ECE1: variants seen among roughly 807,000 people sequenced by gnomAD.
ECE1 encodes the protein endothelin converting enzyme 1.
ECE1 carries 35 observed loss-of-function variants against 98.6 expected under a neutral mutation model. The ratio of observed to expected loss-of-function variants is 0.35; its 90% CI spans 0.27 to 0.47. The LOEUF is 0.47. Among genes scored for constraint, ECE1 ranks in the 20% least tolerant of loss-of-function variants. The pLI is 1.00. For synonymous variants in ECE1, 394 were observed against 407.1 expected (o/e 0.97, Z 0.39); for missense variants, 814 against 1,025.3 (o/e 0.79, Z 2.81).
intron 12 of ECE1, 89 bp downstream of exon 12, chr1:21,236,657 A>G (rs938726437): frequency 1.5e-6 from 2 of 1,315,634 alleles, no homozygotes; most frequent in Non-Finnish European, 2.2e-6. Context: ...CTCAAAAAAC[A>G]AACAAAAAAA....
At chr1:21,226,843 A>G (rs1020541390) in intron 16 of ECE1, among the ~76,000 whole-genome samples, 2 of 152,164 alleles carry the variant, frequency 1.3e-5, no homozygotes, top group African/African-American at 4.8e-5. Flanking sequence ...TTCCTGCCTC[A>G]GCCTCCTGAG....
chr1:21,237,597 G>T lies in ECE1; in HGVS notation c.1389+537C>A, dbSNP rs200751620. On this transcript the variant is annotated intron_variant, in intron 11 of 18. Transcript: ENST00000374893. ...AGCTGAACCCTTATTGTATGCCGGT[G>T]CCCAGTGTGTGGCATCTCATTTAAT... 7.2e-5 allele frequency among the ~76,000 whole-genome samples: 11 copies of T among 152,246 alleles called. No homozygotes were observed. The East Asian group carries it at 1.7e-3, about 24-fold the overall frequency.
chr1:21,317,321 A>G (rs1283858938), intron 1 of ECE1, among the ~76,000 whole-genome samples: 1 of 152,146 alleles, frequency 6.6e-6, no homozygotes, highest in Non-Finnish European at 1.5e-5. Flanking sequence ...AGAATTAAAC[A>G]AGGTCGTGTC....
rs552929004 is a variant in ECE1, at chr1:21,221,719, G to A, written c.2136+28C>T. The A allele has an allele frequency of 1.6e-5, 25 of 1,605,046 alleles. 1 individual carries two copies. In the South Asian group the frequency reaches 2.3e-4, roughly 15 times the overall value. ...ACATCAAGATGGCAGAATGTACCAT[G>A]TGTGGCATGTTTTCCTAATGGACTC... On this transcript the variant is annotated intron_variant, in intron 18 of 18. Transcript: ENST00000374893.
chr1:21,233,123 G>A lies in ECE1; in HGVS notation c.1670+435C>T, dbSNP rs543974648. The A allele has an allele frequency of 5.9e-5, 11 of 185,148 alleles. No homozygotes were observed. The East Asian group carries it at 1.5e-3, about 24-fold the overall frequency. 11.5% of individuals were successfully genotyped at this position (185,148 alleles called of 1,614,324 possible). ...AGATCCCACCATTCGTGGTAGTGAG[G>A]AACAATGGGAAAGCTGCTCTTGCTG... On this transcript the variant is annotated intron_variant, in intron 14 of 18. Transcript: ENST00000374893. This position sits in a 1 kb window ranked among gnomAD's most constrained non-coding sequence, Gnocchi z 4.0.
intron 1 of ECE1, among the ~76,000 whole-genome samples, chr1:21,330,312 T>C (rs1218591187): frequency 7.2e-6 from 1 of 139,344 alleles, no homozygotes; most frequent in African/African-American, 2.7e-5. Context: ...CTCCACTCAC[T>C]GCAACCTCTG....
At chr1:21,313,684 A>G (rs1223833931) in intron 1 of ECE1, among the ~76,000 whole-genome samples, 2 of 152,142 alleles carry the variant, frequency 1.3e-5, no homozygotes, top group Admixed American at 1.3e-4. Context: ...ACTCTCTGTA[A>G]TTTACTGCTG....
rs1467400804 is a variant in ECE1, at chr1:21,235,958, C to T, written c.1489-31G>A. ...CAGGACAGACAGAGGAAGTGAGTGC[C>T]CGGCAACATCGACCAGGCCAGCCTG... On this transcript the variant is annotated intron_variant, in intron 12 of 18. Transcript: ENST00000374893. The surrounding 1 kb of genome is among the most constrained non-coding windows in gnomAD (Gnocchi z 4.2). 6.2e-7 allele frequency: 1 copy of T among 1,606,632 alleles called. No homozygotes were observed. The highest frequency in any genetic ancestry group is 1.1e-5 in the South Asian group (1 of 90,940).
rs999281058 is a variant in ECE1, at chr1:21,319,068, G to C, written c.3+26308C>G. Among the ~76,000 whole-genome samples the C allele has an allele frequency of 4.6e-5, 7 of 152,208 alleles. No individual in the cohort carries two copies. The highest frequency in any genetic ancestry group is 3.3e-4 in the Admixed American group (5 of 15,282). ...AAGTCAAAATAATAAAGTGAGGCCA[G>C]GCACGGTGGCTCAAGCTCGTAATCC... On this transcript the variant is annotated intron_variant, in intron 1 of 18. Transcript: ENST00000415912. The surrounding 1 kb of genome is among the most constrained non-coding windows in gnomAD (Gnocchi z 4.4).
rs745767972 is a variant in ECE1, at chr1:21,233,709, G to A, written c.1567-48C>T. On this transcript the variant is annotated intron_variant, in intron 13 of 18. Transcript: ENST00000374893. This position sits in a 1 kb window ranked among gnomAD's most constrained non-coding sequence, Gnocchi z 4.0. Reference sequence around the variant, plus strand: ...AATCACAGTGTGCCCTCGGTGGTGTGCATCTTCCAAGACAGGAAGCCAAGG... The same window carrying A: ...AATCACAGTGTGCCCTCGGTGGTGTACATCTTCCAAGACAGGAAGCCAAGG... 1.9e-6 allele frequency: 3 copies of A among 1,565,186 alleles called. No homozygotes were observed. The highest frequency in any genetic ancestry group is 2.6e-6 in the Non-Finnish European group (3 of 1,138,054).
intron 1 of ECE1, among the ~76,000 whole-genome samples, chr1:21,332,062 C>G (rs1383818591): frequency 1.3e-5 from 2 of 152,336 alleles, no homozygotes; most frequent in Middle Eastern, 3.4e-3. Context: ...CTTGAGCTCA[C>G]TAAGGGCAGC....
chr1:21,285,092 T>C (rs1456504472), intron 2 of ECE1, among the ~76,000 whole-genome samples: 1 of 152,114 alleles, frequency 6.6e-6, no homozygotes, highest in African/African-American at 2.4e-5. Flanking sequence ...AATTCTCAAG[T>C]CCTTGTGTCC....
intron 1 of ECE1, among the ~76,000 whole-genome samples, chr1:21,334,733 G>A (rs1237182432): frequency 3.3e-5 from 5 of 152,152 alleles, no homozygotes; most frequent in Admixed American, 3.3e-4. Context: ...TGCCCACTGT[G>A]CTCTGCTGCC....
intron 12 of ECE1, among the ~76,000 whole-genome samples, chr1:21,236,492 A>G (rs2098188285): frequency 6.6e-6 from 1 of 152,232 alleles, no homozygotes; most frequent in African/African-American, 2.4e-5. Context: ...TCTACTAAAA[A>G]TACAAAATTA....
intron 1 of ECE1, among the ~76,000 whole-genome samples, chr1:21,326,890 C>T (rs1243333628): frequency 1.3e-5 from 2 of 152,186 alleles, no homozygotes; most frequent in Non-Finnish European, 2.9e-5. Context: ...CTCTTCATGA[C>T]AGGGCATCAG....
At chr1:21,308,990 G>T (rs897430332) in intron 1 of ECE1, among the ~76,000 whole-genome samples, 4 of 152,348 alleles carry the variant, frequency 2.6e-5, no homozygotes, top group African/African-American at 9.6e-5. Context: ...ATCACAGTTT[G>T]CAGAAACAGC....
chr1:21,255,298 C>G (rs553206644), intron 8 of ECE1, among the ~76,000 whole-genome samples: 1 of 152,132 alleles, frequency 6.6e-6, no homozygotes, highest in South Asian at 2.1e-4. Context: ...GGCCATTCTG[C>G]TGATCCCTCT....
chr1:21,273,049 T>G (rs1204086658), intron 3 of ECE1, 138 bp from the exon 4 acceptor site: 1 of 852,384 alleles, frequency 1.2e-6, no homozygotes, highest in Non-Finnish European at 1.9e-6. Flanking sequence ...GGACGGTCAC[T>G]AGACCCCTAC....
Position 21,260,455 on chromosome 1 carries a change from C to T in ECE1, c.494-63G>A, listed in dbSNP as rs1161252331. ...ACTTGCCCACTGGGTGGCTTTGGGG[C>T]AGTCCCTCTTTTCGGAGCCTTGGTG... On this transcript the variant is annotated intron_variant, in intron 4 of 18. Transcript: ENST00000374893. The surrounding 1 kb of genome is among the most constrained non-coding windows in gnomAD (Gnocchi z 4.3). 5.6e-6 allele frequency: 9 copies of T among 1,603,650 alleles called. No homozygotes were observed. The highest frequency in any genetic ancestry group is 2.7e-5 in the African/African-American group (2 of 74,738).
Sources: gnomAD v4.1 joint callset for allele counts (sites outside exome capture counted in the v4.1 genomes callset) on GRCh38, gnomAD v4.1.1 for gene constraint, Gnocchi (gnomAD v3.1) non-coding constraint, MANE v1.5 for transcripts, NCBI Gene and HGNC (gene_info 2026-07-23, HGNC 2026-07-21) for gene names.